The following VTI1B variants were observed in gnomAD, a reference collection of about 807,000 sequenced individuals.
VTI1B encodes vesicle transport through interaction with t-SNAREs homolog 1B.
VTI1B carries 18 observed loss-of-function variants against 28.6 expected under a neutral mutation model. The observed-to-expected ratio is 0.63, with a 90% CI of 0.43 to 0.93. VTI1B has a LOEUF of 0.93. Ranked by LOEUF, VTI1B falls within the 40% of genes least tolerant of loss-of-function variation. The probability of loss-of-function intolerance (pLI) is 0.00; values close to 1 mark genes in which losing one functional copy is unlikely to be tolerated. For synonymous variants in VTI1B, 100 were observed against 107.9 expected, an observed-to-expected ratio of 0.93 and a Z score of 0.46; for missense variants, 283 against 297.0, an observed-to-expected ratio of 0.95 and a Z score of 0.35.
rs1239388228 is a variant in VTI1B, at chr14:67,648,512, TA to T, written c.*2872del. Reference sequence around the variant, plus strand: ...ATTAAGATAAGAAGGCAAGATAAGATAAGAGTGCAAGGCTGTAATTTGCACT... The same window carrying T: ...ATTAAGATAAGAAGGCAAGATAAGATAGAGTGCAAGGCTGTAATTTGCACT... On this transcript the variant is annotated 3_prime_UTR_variant, in exon 6 of 6. Transcript: ENST00000554659. 3 of 188,478 alleles carry T rather than the reference TA, an allele frequency of 1.6e-5. No individual in the cohort carries two copies. Among genetic ancestry groups the T allele is most frequent in the African/African-American group, 7.2e-5 (3 of 41,534 alleles). 11.7% of individuals were successfully genotyped at this position (188,478 alleles called of 1,614,324 possible).
intron 1 of VTI1B, among the ~76,000 whole-genome samples, chr14:67,672,471 A>G (rs1221781938): frequency 2.6e-5 from 3 of 115,634 alleles, no homozygotes; most frequent in Non-Finnish European, 5.2e-5. Flanking sequence ...TTTGATACAG[A>G]GTCTTGATCT....
chr14:67,651,504 G>A lies in VTI1B; in HGVS notation c.603-23C>T, dbSNP rs751974825. The A allele has an allele frequency of 2.5e-6, 4 of 1,611,944 alleles. No homozygotes were observed. In the South Asian group the frequency reaches 3.3e-5, roughly 13 times the overall value. ...ACTCTACAAAGAGAAGCAAAGTGGG[G>A]AGTAGTCAGAAGTTTGGATAACCTT... On this transcript the variant is annotated intron_variant, in intron 5 of 5. Coordinates refer to ENST00000554659, the MANE Select transcript of VTI1B (RefSeq NM_006370.3).
chr14:67,654,133 G>T (rs2037223718), intron 4 of VTI1B, among the ~76,000 whole-genome samples: 1 of 152,112 alleles, frequency 6.6e-6, no homozygotes, highest in Non-Finnish European at 1.5e-5. Flanking sequence ...TTGAAACAGG[G>T]TCTCACTCCG....
At chr14:67,657,877 T>A (rs2037283687) in intron 3 of VTI1B, among the ~76,000 whole-genome samples, 1 of 151,080 alleles carries the variant, frequency 6.6e-6, no homozygotes, top group Non-Finnish European at 1.5e-5. Flanking sequence ...GCCTCCCAAG[T>A]AACTGGGATT....
intron 1 of VTI1B, among the ~76,000 whole-genome samples, chr14:67,667,920 G>A (rs1302565732): frequency 1.3e-5 from 2 of 151,892 alleles, no homozygotes; most frequent in Admixed American, 6.6e-5. Flanking sequence ...CTCCAGCCTG[G>A]GTGAAAGAGC....
chr14:67,656,870 G>A (rs1254643017), intron 3 of VTI1B, among the ~76,000 whole-genome samples: 1 of 152,178 alleles, frequency 6.6e-6, no homozygotes, highest in Non-Finnish European at 1.5e-5. Context: ...CTTTCCCTGT[G>A]TTTGTAATGA....
chr14:67,674,310 G>C, intron 1 of VTI1B, 65 bp downstream of exon 1: 2 of 1,409,734 alleles, frequency 1.4e-6, no homozygotes, highest in South Asian at 2.6e-5. Flanking sequence ...GAGGAAGGTG[G>C]GAGAATCTTC....
In VTI1B at chr14:67,647,790, A is replaced by G; in HGVS notation, c.*3595T>C. ...GTTCTAATACCCAGTGTAAGGCAGAAATATACATTGGAGTTAGTCTGTCTG... is the reference window on the plus strand; with the variant it reads ...GTTCTAATACCCAGTGTAAGGCAGAGATATACATTGGAGTTAGTCTGTCTG... On this transcript the variant is annotated 3_prime_UTR_variant, in exon 6 of 6. Transcript: ENST00000554659. 1 of 452,364 alleles carries G rather than the reference A, an allele frequency of 2.2e-6. No homozygotes were observed. The highest frequency in any genetic ancestry group is 3.3e-5 in the South Asian group (1 of 30,490). The allele number at this position is 452,364 out of a possible 1,614,324, so 28.0% of individuals were successfully genotyped here.
At chr14:67,663,498 C>T (rs758442990) in intron 1 of VTI1B, among the ~76,000 whole-genome samples, 1 of 151,776 alleles carries the variant, frequency 6.6e-6, no homozygotes, top group Admixed American at 6.6e-5. Context: ...ACGGTGAAAC[C>T]CCATCTCTAC....
chr14:67,669,616 A>G (rs570368248), intron 1 of VTI1B, among the ~76,000 whole-genome samples: 1 of 152,122 alleles, frequency 6.6e-6, no homozygotes, highest in Non-Finnish European at 1.5e-5. Flanking sequence ...GTAAGGCTAT[A>G]TTATGTCATG....
At chr14:67,666,691 C>T (rs1021747926) in intron 1 of VTI1B, among the ~76,000 whole-genome samples, 5 of 152,184 alleles carry the variant, frequency 3.3e-5, no homozygotes, top group Admixed American at 3.3e-4. Flanking sequence ...TCTAGTCTAA[C>T]TTCCTGCCTT....
chr14:67,657,241 A>T (rs886639461), intron 3 of VTI1B: 4 of 152,180 alleles, frequency 2.6e-5, no homozygotes, highest in African/African-American at 9.7e-5. Context: ...GCTTCTAAAG[A>T]AAGCATGTAG....
At chr14:67,651,864 A>G (rs2037183660) in intron 5 of VTI1B, 1 of 172,100 alleles carries the variant, frequency 5.8e-6, no homozygotes, top group African/African-American at 2.4e-5. Flanking sequence ...ATACCTTTCA[A>G]TCCCTTGTAA....
At chr14:67,669,929 A>C (rs920996873) in intron 1 of VTI1B, among the ~76,000 whole-genome samples, 4 of 152,044 alleles carry the variant, frequency 2.6e-5, no homozygotes, top group African/African-American at 9.7e-5. Flanking sequence ...GGAGACCCTT[A>C]CTAAAAATAC....
intron 2 of VTI1B, among the ~76,000 whole-genome samples, chr14:67,660,389 A>T (rs1264793141): frequency 6.6e-6 from 1 of 152,174 alleles, no homozygotes; most frequent in African/African-American, 2.4e-5. Context: ...TGGGCAACAT[A>T]GCAAGACCTC....
intron 1 of VTI1B, among the ~76,000 whole-genome samples, chr14:67,672,470 G>C (rs1311354098): frequency 1.6e-5 from 2 of 121,846 alleles, no homozygotes; most frequent in Non-Finnish European, 3.4e-5. Context: ...TTTTGATACA[G>C]AGTCTTGATC....
chr14:67,672,447 C>CTTTTT (rs764198286), intron 1 of VTI1B, among the ~76,000 whole-genome samples: 13 of 116,826 alleles, frequency 1.1e-4, no homozygotes, highest in South Asian at 2.9e-4. Flanking sequence ...CTTTTCTTTT[C>CTTTTT]TTTTTTTTTT....
intron 1 of VTI1B, among the ~76,000 whole-genome samples, chr14:67,664,109 G>C (rs2037372413): frequency 6.6e-6 from 1 of 152,170 alleles, no homozygotes. Flanking sequence ...TTTCAAGACA[G>C]AGTCTCACTG....
intron 3 of VTI1B, among the ~76,000 whole-genome samples, chr14:67,659,508 T>C (rs1257384819): frequency 2.0e-5 from 3 of 150,812 alleles, no homozygotes; most frequent in Non-Finnish European, 3.0e-5. Flanking sequence ...ATATTAAGGA[T>C]AAAAAGAAAT....
Sources: gnomAD v4.1 joint callset for allele counts (sites outside exome capture counted in the v4.1 genomes callset) on GRCh38, gnomAD v4.1.1 for gene constraint, MANE v1.5 for transcripts, NCBI Gene and HGNC (gene_info 2026-07-23, HGNC 2026-07-21) for gene names.